The following SGCZ variants were observed in gnomAD, a reference collection of about 807,000 sequenced individuals.
SGCZ encodes sarcoglycan zeta, also known as zeta-sarcoglycan.
A neutral mutation model predicts 41.3 loss-of-function variants in SGCZ; 40 were observed. That is an observed-to-expected ratio of 0.97 (90% CI 0.75 to 1.26). The LOEUF (loss-of-function observed/expected upper bound fraction) is 1.26, where lower values mean the gene tolerates loss of function less well. SGCZ is among the 50% of genes most tolerant of loss of function. SGCZ has a pLI of 0.00. For missense variants in SGCZ, 552 were observed against 369.8 expected, an observed-to-expected ratio of 1.49 and a Z score of -4.04; for synonymous variants, 206 against 137.5, an observed-to-expected ratio of 1.50 and a Z score of -3.49.
At chr8:14,260,900 G>C (rs1799639921) in intron 3 of SGCZ, among the ~76,000 whole-genome samples, 1 of 152,056 alleles carries the variant, frequency 6.6e-6, no homozygotes, top group African/African-American at 2.4e-5. Context: ...TGAACAATGA[G>C]ATCACATGGA....
intron 1 of SGCZ, among the ~76,000 whole-genome samples, chr8:14,881,913 T>C (rs1804604157): frequency 1.3e-5 from 2 of 152,108 alleles, no homozygotes; most frequent in African/African-American, 4.8e-5. Flanking sequence ...GAACTCAGGA[T>C]TAAGAAACTC....
At chr8:15,153,920 A>T (rs780177473) in intron 1 of SGCZ, among the ~76,000 whole-genome samples, 2 of 152,154 alleles carry the variant, frequency 1.3e-5, no homozygotes, top group Non-Finnish European at 1.5e-5. Context: ...CCAGGGATGT[A>T]GGGGTGGGTG....
chr8:14,537,540 C>T (rs2117141334), intron 2 of SGCZ, among the ~76,000 whole-genome samples: 1 of 149,520 alleles, frequency 6.7e-6, no homozygotes, highest in East Asian at 2.0e-4. Context: ...TGACTTTCTT[C>T]TCTTCTCTTT....
In SGCZ at chr8:14,685,684, A is replaced by G. The variant is rs370365229; in HGVS notation, c.40-130758T>C. ...TATTCATTTCCATATCTACATTAAC[A>G]CCAATATTGGTATCTATTACATATA... On this transcript the variant is annotated intron_variant, in intron 1 of 7. Coordinates refer to ENST00000382080, the MANE Select transcript of SGCZ (RefSeq NM_139167.4). Among the ~76,000 whole-genome samples the G allele has an allele frequency of 2.0e-5, 3 of 152,208 alleles. No homozygotes were observed. The East Asian group carries it at 5.8e-4, about 29-fold the overall frequency.
intron 1 of SGCZ, among the ~76,000 whole-genome samples, chr8:14,675,461 A>C (rs183673845): frequency 2.0e-5 from 3 of 152,312 alleles, no homozygotes; most frequent in East Asian, 3.9e-4. Context: ...AGCTCTATAC[A>C]TTAAAATCAC....
chr8:15,132,696 C>A (rs751903189), intron 1 of SGCZ, among the ~76,000 whole-genome samples: 1 of 152,088 alleles, frequency 6.6e-6, no homozygotes, highest in African/African-American at 2.4e-5. Flanking sequence ...ATTTTGAAAG[C>A]CAGTTGCTAC....
chr8:15,096,139 G>A (rs1374129821), intron 1 of SGCZ, among the ~76,000 whole-genome samples: 6 of 151,908 alleles, frequency 3.9e-5, no homozygotes, highest in East Asian at 1.9e-4. Flanking sequence ...GTGCAATGAT[G>A]CAATCTCGGC....
At chr8:14,934,572 A>G (rs970987774) in intron 1 of SGCZ, among the ~76,000 whole-genome samples, 11 of 151,896 alleles carry the variant, frequency 7.2e-5, no homozygotes, top group African/African-American at 2.7e-4. Flanking sequence ...GAGATAAAGA[A>G]TAGAGAAATA....
In SGCZ at chr8:14,955,128, T is replaced by C. The variant is rs575293615; in HGVS notation, c.39+282457A>G. ...TAATAATCATTCCCTTTATTTTCCT[T>C]GTAGTTTTATTGGCCATGCATCCAT... On this transcript the variant is annotated intron_variant, in intron 1 of 7. Coordinates refer to ENST00000382080, the MANE Select transcript of SGCZ (RefSeq NM_139167.4). Among the ~76,000 whole-genome samples, 5 of 152,230 alleles carry C rather than the reference T, an allele frequency of 3.3e-5. No homozygotes were observed. The South Asian group carries it at 1.0e-3, about 32-fold the overall frequency.
At chr8:14,674,992 A>G (rs1263100959) in intron 1 of SGCZ, among the ~76,000 whole-genome samples, 2 of 118,072 alleles carry the variant, frequency 1.7e-5, no homozygotes, top group African/African-American at 6.7e-5. Flanking sequence ...AGGCTGAAGT[A>G]CAGTGGCGTG....
intron 2 of SGCZ, among the ~76,000 whole-genome samples, chr8:14,443,935 A>C (rs906135760): frequency 8.5e-5 from 13 of 152,188 alleles, no homozygotes; most frequent in African/African-American, 3.1e-4. Flanking sequence ...TAATATCCAG[A>C]ATCTACAATG....
chr8:14,641,972 C>T (rs1247261042), intron 1 of SGCZ, among the ~76,000 whole-genome samples: 2 of 151,628 alleles, frequency 1.3e-5, no homozygotes, highest in Non-Finnish European at 3.0e-5. Flanking sequence ...GAACACGTAT[C>T]TCTGCAGGGA....
At chr8:15,153,736 G>C (rs1038834129) in intron 1 of SGCZ, among the ~76,000 whole-genome samples, 1 of 152,062 alleles carries the variant, frequency 6.6e-6, no homozygotes, top group African/African-American at 2.4e-5. Flanking sequence ...GCGAGGAAAA[G>C]TTTCTCCAAG....
At position 14,625,680 on chromosome 8, in the gene SGCZ, C is replaced by T. The variant is rs550461109; in HGVS notation, c.40-70754G>A. Among the ~76,000 whole-genome samples the T allele has an allele frequency of 1.4e-4, 22 of 152,238 alleles. 1 individual carries two copies. The highest frequency in any genetic ancestry group is 4.8e-4 in the African/African-American group (20 of 41,532). ...TCCTGGAATTAAGTAATTCTCCCAC[C>T]TTGGCCTCCCAAAGTGCTGGGATTA... On this transcript the variant is annotated intron_variant, in intron 1 of 7. Coordinates refer to ENST00000382080, the MANE Select transcript of SGCZ (RefSeq NM_139167.4).
At chr8:14,944,022 G>C (rs529746039) in intron 1 of SGCZ, among the ~76,000 whole-genome samples, 62 of 152,092 alleles carry the variant, frequency 4.1e-4, no homozygotes, top group African/African-American at 1.4e-3. Context: ...TGGGCATTTA[G>C]GTGAATTCCA....
chr8:14,449,372 C>T (rs1449552264), intron 2 of SGCZ, among the ~76,000 whole-genome samples: 1 of 152,128 alleles, frequency 6.6e-6, no homozygotes, highest in Non-Finnish European at 1.5e-5. Context: ...ATGGCTGTGG[C>T]ACATGACTTT....
At chr8:14,308,063 T>A (rs1167117217) in intron 3 of SGCZ, among the ~76,000 whole-genome samples, 1 of 151,998 alleles carries the variant, frequency 6.6e-6, no homozygotes, top group East Asian at 1.9e-4. Context: ...CTTAGTAAAT[T>A]AGGGATAAAG....
intron 1 of SGCZ, among the ~76,000 whole-genome samples, chr8:15,205,870 C>G (rs1801043509): frequency 1.3e-5 from 2 of 152,148 alleles, no homozygotes; most frequent in South Asian, 4.1e-4. Flanking sequence ...CCTAAATGCC[C>G]ATAAATGACA....
At chr8:14,814,811 C>A (rs985466406) in intron 1 of SGCZ, among the ~76,000 whole-genome samples, 1 of 152,156 alleles carries the variant, frequency 6.6e-6, no homozygotes, top group Non-Finnish European at 1.5e-5. Flanking sequence ...GAAAACAGTA[C>A]TTTTTCAGCC....
Sources: allele counts gnomAD v4.1 joint callset (sites outside exome capture counted in the v4.1 genomes callset), GRCh38; gene constraint gnomAD v4.1.1; transcripts MANE v1.5; gene names NCBI Gene and HGNC (gene_info 2026-07-23, HGNC 2026-07-21).